The following SUPT3H variants were observed in gnomAD, a reference collection of about 807,000 sequenced individuals.
SUPT3H encodes the protein transcription initiation protein SPT3 homolog.
In SUPT3H, 44 loss-of-function variants were observed where a neutral mutation model predicts 44.3. The observed-to-expected ratio is 0.99, with a 90% CI of 0.78 to 1.28. The LOEUF (loss-of-function observed/expected upper bound fraction) is 1.28, where lower values mean the gene tolerates loss of function less well. Among genes scored for constraint, SUPT3H ranks in the 50% most tolerant of loss-of-function variants. The probability of loss-of-function intolerance (pLI) is 0.00; values close to 1 mark genes in which losing one functional copy is unlikely to be tolerated. For synonymous variants in SUPT3H, 124 were observed against 125.6 expected (o/e 0.99, Z 0.09); for missense variants, 380 against 387.1 (o/e 0.98, Z 0.15).
At chr6:45,158,275 C>CATATATATACATATATATATAT (rs1808235007) in intron 2 of SUPT3H, among the ~76,000 whole-genome samples, 1 of 62,178 alleles carries the variant, frequency 1.6e-5, no homozygotes, top group Non-Finnish European at 2.5e-5. Context: ...TATAAATATA[C>CATATATATACATATATATATAT]ATATATATAT....
intron 10 of SUPT3H, among the ~76,000 whole-genome samples, chr6:44,850,912 G>A (rs537127378): frequency 6.6e-5 from 10 of 152,206 alleles, no homozygotes; most frequent in Admixed American, 3.3e-4. Context: ...TTTATCTAGC[G>A]GTTTCTGATA....
chr6:45,062,167 A>G (rs1256698338), intron 3 of SUPT3H, among the ~76,000 whole-genome samples: 2 of 152,014 alleles, frequency 1.3e-5, no homozygotes, highest in Non-Finnish European at 2.9e-5. Context: ...TAGGTGAATT[A>G]TTTCAATTCA....
At chr6:45,035,924 A>G (rs1203621346) in intron 3 of SUPT3H, among the ~76,000 whole-genome samples, 1 of 152,154 alleles carries the variant, frequency 6.6e-6, no homozygotes, top group Non-Finnish European at 1.5e-5. Flanking sequence ...GAGGTGAAAA[A>G]ACTATTGAAG....
chr6:44,985,594 A>C (rs1779686409), intron 6 of SUPT3H, among the ~76,000 whole-genome samples: 1 of 152,164 alleles, frequency 6.6e-6, no homozygotes, highest in African/African-American at 2.4e-5. Flanking sequence ...TTTATGCAGG[A>C]ATCAGAAGGG....
In SUPT3H at chr6:45,321,797, T is replaced by C. The variant is rs1350563087; in HGVS notation, c.101+43404A>G. ...GGAACACAATTTCCCACTACTTACC[T>C]GCCAGAATCATTCAGCAGTGGAAGG... On this transcript the variant is annotated intron_variant, in intron 2 of 10. Transcript: ENST00000371459. 1.4e-5 allele frequency: 23 copies of C among 1,601,146 alleles called. No homozygotes were observed. The highest frequency in any genetic ancestry group is 1.9e-5 in the Non-Finnish European group (22 of 1,170,980).
At chr6:44,906,034 G>A (rs572106891) in intron 10 of SUPT3H, among the ~76,000 whole-genome samples, 3 of 152,222 alleles carry the variant, frequency 2.0e-5, no homozygotes, top group South Asian at 4.2e-4. Context: ...GTGCGGTGGG[G>A]GGATGGGGAG....
chr6:44,935,971 C>T (rs1302658609), intron 9 of SUPT3H, among the ~76,000 whole-genome samples: 1 of 152,210 alleles, frequency 6.6e-6, no homozygotes, highest in Admixed American at 6.5e-5. Flanking sequence ...GATCTAGAAT[C>T]TCAATCAACT....
intron 9 of SUPT3H, among the ~76,000 whole-genome samples, chr6:44,938,878 T>A (rs978065752): frequency 5.6e-4 from 85 of 152,318 alleles, no homozygotes; most frequent in Middle Eastern, 3.4e-3. Context: ...TCAGCTAGAT[T>A]ATCGGTGAAT....
chr6:45,328,760 C>A lies in SUPT3H; in HGVS notation c.101+36441G>T. The A allele has an allele frequency of 2.5e-6, 4 of 1,612,032 alleles. No homozygotes were observed. The highest frequency in any genetic ancestry group is 2.2e-5 in the East Asian group (1 of 44,800). On this transcript the variant is annotated intron_variant, in intron 2 of 10. Coordinates refer to ENST00000371459, the MANE Select transcript of SUPT3H (RefSeq NM_003599.4). Reference sequence around the variant, plus strand: ...AAACAGCCTCTTCAGCACAGTGACACCATGTCAGCAAAACTTCTTTTGGGG... The same window carrying A: ...AAACAGCCTCTTCAGCACAGTGACAACATGTCAGCAAAACTTCTTTTGGGG...
intron 2 of SUPT3H, among the ~76,000 whole-genome samples, chr6:45,181,317 A>G (rs1813130099): frequency 1.3e-5 from 2 of 150,918 alleles, no homozygotes; most frequent in Non-Finnish European, 2.9e-5. Context: ...GCGATTCCTC[A>G]GGGATCTAGA....
At chr6:45,219,004 T>C (rs1488888089) in intron 2 of SUPT3H, among the ~76,000 whole-genome samples, 1 of 152,112 alleles carries the variant, frequency 6.6e-6, no homozygotes, top group Non-Finnish European at 1.5e-5. Flanking sequence ...CACTTCTAAA[T>C]AATCCATGGG....
intron 2 of SUPT3H, among the ~76,000 whole-genome samples, chr6:45,178,542 A>G (rs1450466962): frequency 1.3e-5 from 2 of 151,976 alleles, no homozygotes; most frequent in Non-Finnish European, 2.9e-5. Context: ...CAGGAATTGA[A>G]CTCAGCTCTG....
In SUPT3H at chr6:45,377,053, ACT is replaced by A. The variant is rs372403576; in HGVS notation, c.-1+713_-1+714del. On this transcript the variant is annotated intron_variant, in intron 1 of 10. Coordinates refer to ENST00000371459, the MANE Select transcript of SUPT3H (RefSeq NM_003599.4). ...TACATATCACTGTCTTCATAACTTC[ACT>A]CTCACGTGTGAGACCAAGTGTCCTG... Among the ~76,000 whole-genome samples, 104 of 152,020 alleles carry A rather than the reference ACT, an allele frequency of 6.8e-4. 1 individual carries two copies. The highest frequency in any genetic ancestry group is 3.4e-3 in the Middle Eastern group (1 of 294).
chr6:44,909,966 T>C (rs1766750161), intron 10 of SUPT3H, among the ~76,000 whole-genome samples: 1 of 152,188 alleles, frequency 6.6e-6, no homozygotes, highest in South Asian at 2.1e-4. Context: ...AGCATAGCGC[T>C]TTTGGAAAGT....
chr6:45,037,425 G>GA (rs1787839917), intron 3 of SUPT3H, among the ~76,000 whole-genome samples: 1 of 151,000 alleles, frequency 6.6e-6, no homozygotes, highest in South Asian at 2.1e-4. Context: ...GAGGCGGGGG[G>GA]ATCACAAGGT....
At chr6:45,176,210 G>A (rs1344865839) in intron 2 of SUPT3H, among the ~76,000 whole-genome samples, 1 of 151,760 alleles carries the variant, frequency 6.6e-6, no homozygotes, top group African/African-American at 2.4e-5. Context: ...GCAGGTCAGT[G>A]GGTGCGCGCA....
At chr6:44,848,351 C>T (rs757598282) in intron 10 of SUPT3H, among the ~76,000 whole-genome samples, 6 of 152,142 alleles carry the variant, frequency 3.9e-5, no homozygotes, top group Non-Finnish European at 7.3e-5. Flanking sequence ...GCTGGTTGTA[C>T]ATTAGAGCCA....
rs997116794 is a variant in SUPT3H at position 45,079,273 on chromosome 6, G to A, written c.186+26649C>T. 1.5e-4 allele frequency among the ~76,000 whole-genome samples: 23 copies of A among 152,104 alleles called. 1 individual carries two copies. The East Asian group carries it at 2.9e-3, about 19-fold the overall frequency. The stretch of plus-strand genomic sequence containing the variant: ...TGCAGTGAGCTGAGATCACACTACC[G>A]CACTCCAGCCTGGGCGCCAGAGTGA... On this transcript the variant is annotated intron_variant, in intron 3 of 10. Transcript: ENST00000371459.
intron 2 of SUPT3H, among the ~76,000 whole-genome samples, chr6:45,174,567 G>A (rs1811373773): frequency 6.6e-6 from 1 of 152,228 alleles, no homozygotes; most frequent in South Asian, 2.1e-4. Flanking sequence ...CAGCCATAAT[G>A]GTGCACAATG....
Sources: gnomAD v4.1 joint callset for allele counts (sites outside exome capture counted in the v4.1 genomes callset) on GRCh38, gnomAD v4.1.1 for gene constraint, MANE v1.5 for transcripts, NCBI Gene and HGNC (gene_info 2026-07-23, HGNC 2026-07-21) for gene names.